WDR49: variants seen among roughly 807,000 people sequenced by gnomAD.
The protein encoded by WDR49 is cilia- and flagella-associated protein 337.
In WDR49, 107 loss-of-function variants were observed where a neutral mutation model predicts 119.5. That is an observed-to-expected ratio of 0.90 (90% confidence interval 0.77 to 1.05). The LOEUF (loss-of-function observed/expected upper bound fraction) is 1.05. Among genes scored for constraint, WDR49 ranks in the 50% least tolerant of loss-of-function variants. WDR49 has a pLI of 0.00. For synonymous variants in WDR49, 425 were observed against 418.8 expected (o/e 1.01, Z -0.18); for missense variants, 1,240 against 1,220.5 (o/e 1.02, Z -0.24).
chr3:167,562,069 AGAATATTGAGT>A (rs1361471212), intron 8 of WDR49, among the ~76,000 whole-genome samples: 4 of 152,170 alleles, frequency 2.6e-5, no homozygotes, highest in Non-Finnish European at 5.9e-5. Flanking sequence ...GCAGCTCCAA[AGAATATTGAGT>A]AATTATAAAG....
At chr3:167,576,986 G>A (rs778457491) in intron 7 of WDR49, among the ~76,000 whole-genome samples, 21 of 151,638 alleles carry the variant, frequency 1.4e-4, no homozygotes, top group Non-Finnish European at 2.8e-4. Context: ...TGTATTTTTG[G>A]TAAAATAAAA....
chr3:167,560,475 C>T (rs183562679), intron 8 of WDR49, among the ~76,000 whole-genome samples: 4 of 152,296 alleles, frequency 2.6e-5, no homozygotes, highest in African/African-American at 7.2e-5. Flanking sequence ...CACCATTCAG[C>T]TTTAGTGTCT....
intron 15 of WDR49, among the ~76,000 whole-genome samples, chr3:167,526,976 A>T (rs1752657749): frequency 6.6e-6 from 1 of 152,192 alleles, no homozygotes. Flanking sequence ...TTTTGTCCGC[A>T]AAAGCACAAA....
At chr3:167,521,609 C>A (rs1301717625) in intron 16 of WDR49, among the ~76,000 whole-genome samples, 1 of 152,026 alleles carries the variant, frequency 6.6e-6, no homozygotes, top group Non-Finnish European at 1.5e-5. Flanking sequence ...TCACATTGAA[C>A]AAATAATAAA....
At chr3:167,510,973 T>C (rs553683140) in intron 16 of WDR49, among the ~76,000 whole-genome samples, 20 of 152,134 alleles carry the variant, frequency 1.3e-4, no homozygotes, top group Non-Finnish European at 2.6e-4. Flanking sequence ...GCTAGCATGA[T>C]TCTTTCCTTG....
chr3:167,560,067 TA>T lies in WDR49; in HGVS notation c.1670del (p.Val557GlufsTer14). 1 of 1,614,110 alleles carries T rather than the reference TA, an allele frequency of 6.2e-7. No homozygotes were observed. Among genetic ancestry groups the T allele is most frequent in the Non-Finnish European group, 8.5e-7 (1 of 1,179,992 alleles). Reference sequence around the variant, plus strand: ...AAAAGCATCATTGTGTTCGCACCTTTACAGTCCCATCTGTGCTGCCAGTCAA... The same window carrying T: ...AAAAGCATCATTGTGTTCGCACCTTTCAGTCCCATCTGTGCTGCCAGTCAA... ...RLLTGSTDGT[V>X]KIWDFNGYCH... On this transcript the variant is annotated frameshift_variant, in exon 9 of 19. Transcript: ENST00000682715. LOFTEE classifies it high-confidence loss of function.
At chr3:167,641,066 T>G (rs191194123) in intron 2 of WDR49, among the ~76,000 whole-genome samples, 3 of 152,016 alleles carry the variant, frequency 2.0e-5, no homozygotes, top group Non-Finnish European at 4.4e-5. Flanking sequence ...GTTAATCTGA[T>G]AGAGAACAGA....
At chr3:167,632,537 C>T (rs946913350) in intron 2 of WDR49, among the ~76,000 whole-genome samples, 2 of 152,084 alleles carry the variant, frequency 1.3e-5, no homozygotes, top group Non-Finnish European at 1.5e-5. Flanking sequence ...GCCATACCTC[C>T]AGTTAAAATC....
chr3:167,564,362 T>G lies in WDR49; in HGVS notation c.1510-4134A>C, dbSNP rs191787757. ...ATATTGGAATACAAGAATAACAATA[T>G]AGGGGAAAGGGCGTTCAAAGTTTAG... is the stretch of plus-strand genomic sequence containing the variant. On this transcript the variant is annotated intron_variant, in intron 8 of 18. Coordinates refer to ENST00000682715, the MANE Select transcript of WDR49 (RefSeq NM_001366157.1). Among the ~76,000 whole-genome samples, 10 of 152,242 alleles carry G rather than the reference T, an allele frequency of 6.6e-5. No homozygotes were observed. The East Asian group carries it at 1.9e-3, about 29-fold the overall frequency.
At chr3:167,636,111 C>A (rs917421476) in intron 2 of WDR49, among the ~76,000 whole-genome samples, 4 of 151,616 alleles carry the variant, frequency 2.6e-5, no homozygotes, top group African/African-American at 9.7e-5. Flanking sequence ...CATTCCTCAA[C>A]CCCTTCCCAC....
chr3:167,633,098 TG>T (rs1233940081), intron 2 of WDR49, among the ~76,000 whole-genome samples: 10 of 151,658 alleles, frequency 6.6e-5, no homozygotes, highest in Non-Finnish European at 1.2e-4. Flanking sequence ...CGTGTGTGTG[TG>T]TGTGTGTGTG....
rs1752844182 is a variant in WDR49 at position 167,531,234 on chromosome 3, G to C, written c.2099C>G (p.Ser700Cys). The C allele has an allele frequency of 1.2e-6, 2 of 1,611,556 alleles. No homozygotes were observed. The highest frequency in any genetic ancestry group is 8.5e-7 in the Non-Finnish European group (1 of 1,179,586). The change falls in exon 13 of 19, where the codon TCC (serine) becomes TGC (cysteine). Residue 700 changes from serine to cysteine, a missense_variant. Transcript: ENST00000682715. ...KLLSAGRSQP[S>C]HPMADHSTTG... The stretch of plus-strand genomic sequence containing the variant: ...GGTAGAATGGTCTGCCATGGGGTGG[G>C]AGGGTTGGCTTCTCCCAGCACTGAG...
intron 8 of WDR49, among the ~76,000 whole-genome samples, chr3:167,565,592 G>A (rs1323176886): frequency 6.6e-6 from 1 of 152,094 alleles, no homozygotes; most frequent in Non-Finnish European, 1.5e-5. Context: ...CATTTGTAGA[G>A]ACATAACTGA....
At chr3:167,594,739 T>A (rs1349277011) in intron 7 of WDR49, among the ~76,000 whole-genome samples, 1 of 151,698 alleles carries the variant, frequency 6.6e-6, no homozygotes, top group Non-Finnish European at 1.5e-5. Context: ...GAGCTATCTA[T>A]GACAAACCCA....
chr3:167,652,000 T>C (rs1338746187), intron 2 of WDR49, among the ~76,000 whole-genome samples: 1 of 152,192 alleles, frequency 6.6e-6, no homozygotes, highest in East Asian at 1.9e-4. Flanking sequence ...AAAGCTGTCA[T>C]AATCTGCTGT....
At chr3:167,601,261 G>A (rs1029111460) in intron 7 of WDR49, among the ~76,000 whole-genome samples, 28 of 152,144 alleles carry the variant, frequency 1.8e-4, no homozygotes, top group African/African-American at 6.5e-4. Context: ...AGTAAGTTTG[G>A]TAGAATTTAT....
At chr3:167,525,184 C>T (rs879439065) in intron 15 of WDR49, among the ~76,000 whole-genome samples, 2 of 151,964 alleles carry the variant, frequency 1.3e-5, no homozygotes, top group African/African-American at 4.8e-5. Flanking sequence ...AATGGGAATT[C>T]GCTCATGATT....
intron 18 of WDR49, among the ~76,000 whole-genome samples, chr3:167,480,679 T>G (rs947378765): frequency 7.2e-5 from 11 of 152,082 alleles, no homozygotes; most frequent in African/African-American, 2.4e-4. Context: ...AATCTGCAGC[T>G]TACAAAATAT....
rs113548147 is a variant in WDR49, at chr3:167,618,466, ATG to A, written c.958+1961_958+1962del. 4.5e-3 allele frequency among the ~76,000 whole-genome samples: 682 copies of A among 152,106 alleles called. 5 individuals are homozygous for A. Among genetic ancestry groups the A allele is most frequent in the African/African-American group, 0.013 (551 of 41,510 alleles). ...AATTCAAATAAAGTGTTTAAAGTAA[ATG>A]TGTGTGTGTGTATTCCTGTTGTTGT... On this transcript the variant is annotated intron_variant, in intron 5 of 18. Coordinates refer to ENST00000682715, the MANE Select transcript of WDR49 (RefSeq NM_001366157.1).
Sources: allele counts gnomAD v4.1 joint callset (sites outside exome capture counted in the v4.1 genomes callset), GRCh38; gene constraint gnomAD v4.1.1; transcripts MANE v1.5; gene names NCBI Gene and HGNC (gene_info 2026-07-23, HGNC 2026-07-21).